Variants in TUT4 observed in about 807,000 individuals in gnomAD.
TUT4 encodes terminal uridylyl transferase 4.
TUT4 carries 36 observed loss-of-function variants against 192.2 expected under a neutral mutation model. That is an observed-to-expected ratio of 0.19 (90% confidence interval 0.14 to 0.25). TUT4 has a LOEUF of 0.25. Ranked by LOEUF, TUT4 falls within the 10% of genes least tolerant of loss-of-function variation. TUT4 has a pLI of 1.00. For synonymous variants in TUT4, 618 were observed against 666.0 expected (o/e 0.93, Z 1.11); for missense variants, 1,493 against 1,957.2 (o/e 0.76, Z 4.47).
At chr1:52,448,942 G>A (rs1230200566) in intron 20 of TUT4, among the ~76,000 whole-genome samples, 1 of 152,120 alleles carries the variant, frequency 6.6e-6, no homozygotes, top group Non-Finnish European at 1.5e-5. Context: ...AGTGGAGTAG[G>A]TCTGTGGGCC....
chr1:52,475,972 G>A (rs1268858240), intron 12 of TUT4, among the ~76,000 whole-genome samples: 1 of 152,028 alleles, frequency 6.6e-6, no homozygotes, highest in Non-Finnish European at 1.5e-5. Context: ...AGCCTCCGGA[G>A]TAGCTGGGAC....
chr1:52,444,086 A>C (rs952257124), intron 24 of TUT4, among the ~76,000 whole-genome samples: 21 of 152,094 alleles, frequency 1.4e-4, no homozygotes, highest in Non-Finnish European at 5.9e-5. Context: ...AAATACAAAA[A>C]TTAGCTGGGC....
intron 1 of TUT4, among the ~76,000 whole-genome samples, chr1:52,548,784 C>A (rs1000522259): frequency 6.6e-6 from 1 of 152,122 alleles, no homozygotes; most frequent in Admixed American, 6.5e-5. Flanking sequence ...GTACAAGATG[C>A]CTTATGTAAA....
At chr1:52,533,740 G>A (rs1307567715) in intron 1 of TUT4, among the ~76,000 whole-genome samples, 4 of 152,140 alleles carry the variant, frequency 2.6e-5, no homozygotes, top group Admixed American at 2.6e-4. Context: ...GGCTAAGGCA[G>A]GTAGATCACT....
intron 15 of TUT4, 57 bp from the exon 16 acceptor site, chr1:52,465,230 C>G: frequency 8.3e-7 from 1 of 1,209,078 alleles, no homozygotes. Context: ...GAGGAGTCTT[C>G]TGCTATCTGC....
chr1:52,461,200 T>C lies in TUT4; in HGVS notation c.3255A>G (p.Leu1085=). Residue 1085 remains leucine (L), a synonymous_variant, in exon 19 of 30, where the codon CTA becomes CTG. Transcript: ENST00000257177. The part of the protein sequence containing the change: ...NTLAQHNTRM[L]ATYAAIDPRV... Reference sequence around the variant, plus strand: ...TAGGATCAATAGCTGCATAAGTAGCTAGCATTCTTGTGTTATGTTGAGCCT... The same window carrying C: ...TAGGATCAATAGCTGCATAAGTAGCCAGCATTCTTGTGTTATGTTGAGCCT... The C allele has an allele frequency of 6.2e-7, 1 of 1,608,502 alleles. No individual in the cohort carries two copies. The highest frequency in any genetic ancestry group is 8.5e-7 in the Non-Finnish European group (1 of 1,177,360).
In TUT4 at chr1:52,475,297, T is replaced by C; in HGVS notation, c.2262A>G (p.Glu754=). ...GTTGCTCTCTTTCTGCATTTATTTT[T>C]TCTGTGGTTTCCCCAAGCAGAATAC... The part of the protein sequence containing the change: ...NGCILLGETT[E]KINAEREQPV... The change falls in exon 13 of 30, where the codon GAA becomes GAG. Residue 754 remains glutamate (E), a synonymous_variant. Transcript: ENST00000257177. The C allele has an allele frequency of 1.2e-6, 2 of 1,614,144 alleles. No homozygotes were observed. The highest frequency in any genetic ancestry group is 1.7e-6 in the Non-Finnish European group (2 of 1,180,034).
intron 4 of TUT4, among the ~76,000 whole-genome samples, chr1:52,498,328 G>GC (rs568062596): frequency 0.076 from 10,979 of 144,762 alleles, 511 homozygotes; most frequent in African/African-American, 0.13. Flanking sequence ...TGCAGGCTCC[G>GC]CCCCCCCGGG....
At chr1:52,475,820 T>A (rs1157638079) in intron 12 of TUT4, among the ~76,000 whole-genome samples, 1 of 152,132 alleles carries the variant, frequency 6.6e-6, no homozygotes, top group Non-Finnish European at 1.5e-5. Context: ...GTAATTAGTT[T>A]CAATGATGAA....
In TUT4 at chr1:52,445,805, T is replaced by C. The variant is rs148422801; in HGVS notation, c.3804A>G (p.Pro1268=). ...AACTTACAGCTTCTCTGCCAATGAG[T>C]GGATAAAAAGGGGTACCAAAAAGTT... The part of the protein sequence containing the change: ...GRKLFGTPFY[P]LIGREAEYFF... Residue 1268 remains proline, a synonymous_variant, in exon 24 of 30, where the codon CCA becomes CCG. Coordinates refer to ENST00000257177, the MANE Select transcript of TUT4 (RefSeq NM_001009881.3). 1 of 1,611,088 alleles carries C rather than the reference T, an allele frequency of 6.2e-7. No individual in the cohort carries two copies. The highest frequency in any genetic ancestry group is 8.5e-7 in the Non-Finnish European group (1 of 1,178,280).
intron 24 of TUT4, among the ~76,000 whole-genome samples, chr1:52,445,230 G>C (rs1657203440): frequency 6.6e-6 from 1 of 151,896 alleles, no homozygotes; most frequent in Admixed American, 6.6e-5. Context: ...AGGCCAAGAG[G>C]AATGTGTGAC....
intron 1 of TUT4, among the ~76,000 whole-genome samples, chr1:52,530,055 C>T (rs779712759): frequency 2.6e-5 from 4 of 152,080 alleles, no homozygotes; most frequent in African/African-American, 9.7e-5. Context: ...CTCACCCAGG[C>T]TGGTTTCGAA....
intron 15 of TUT4, among the ~76,000 whole-genome samples, chr1:52,465,561 CATT>C (rs1663872126): frequency 6.6e-6 from 1 of 152,234 alleles, no homozygotes; most frequent in Non-Finnish European, 1.5e-5. Flanking sequence ...TCCAAACAAT[CATT>C]GAGACTTTTA....
At chr1:52,461,017 C>A in intron 19 of TUT4, 117 bp downstream of exon 19, 1 of 777,736 alleles carries the variant, frequency 1.3e-6, no homozygotes, top group Non-Finnish European at 2.0e-6. Flanking sequence ...CTGAAAGTTT[C>A]TTTTTTAAAA....
chr1:52,425,718 CACA>C (rs1333922736), intron 28 of TUT4, among the ~76,000 whole-genome samples: 3 of 152,076 alleles, frequency 2.0e-5, no homozygotes, highest in African/African-American at 7.2e-5. Context: ...TATATATATA[CACA>C]ACAATATGTA....
intron 4 of TUT4, among the ~76,000 whole-genome samples, chr1:52,498,456 G>A (rs1331661410): frequency 6.6e-6 from 1 of 151,888 alleles, no homozygotes; most frequent in African/African-American, 2.4e-5. Context: ...GTGTTAGCCA[G>A]TATGGTCCCC....
chr1:52,463,761 C>T, intron 16 of TUT4: 1 of 1,304,248 alleles, frequency 7.7e-7, no homozygotes, highest in Non-Finnish European at 1.0e-6. Flanking sequence ...GGACAATCTC[C>T]TTCCCACTAT....
intron 28 of TUT4, among the ~76,000 whole-genome samples, chr1:52,429,119 T>G (rs1651089352): frequency 6.8e-6 from 1 of 147,484 alleles, no homozygotes; most frequent in African/African-American, 2.5e-5. Flanking sequence ...AGTCTCGCTC[T>G]GTCGCCCAGG....
intron 6 of TUT4, among the ~76,000 whole-genome samples, chr1:52,494,196 T>C (rs927859660): frequency 2.6e-5 from 4 of 152,084 alleles, no homozygotes; most frequent in Non-Finnish European, 4.4e-5. Context: ...TTAGAATTAA[T>C]GGTTTCTTAA....
Sources: gnomAD v4.1 joint callset for allele counts (sites outside exome capture counted in the v4.1 genomes callset) on GRCh38, gnomAD v4.1.1 for gene constraint, MANE v1.5 for transcripts, NCBI Gene and HGNC (gene_info 2026-07-23, HGNC 2026-07-21) for gene names.